Variants in ITGA6 observed in about 807,000 individuals in gnomAD.
ITGA6 encodes integrin subunit alpha 6.
ITGA6 carries 63 observed loss-of-function variants against 133.6 expected under a neutral mutation model. That is an observed-to-expected ratio of 0.47 (90% CI 0.38 to 0.58). The LOEUF (loss-of-function observed/expected upper bound fraction) is 0.58. ITGA6 is among the 20% of genes least tolerant of loss of function. ITGA6 has a pLI of 0.00. For synonymous variants in ITGA6, 434 were observed against 482.0 expected (o/e 0.90, Z 1.30); for missense variants, 1,068 against 1,309.4 (o/e 0.82, Z 2.85).
chr2:172,451,239 T>C (rs1275330443), intron 1 of ITGA6, among the ~76,000 whole-genome samples: 3 of 151,666 alleles, frequency 2.0e-5, no homozygotes, highest in Admixed American at 1.3e-4. Flanking sequence ...CCAAGGCCGG[T>C]AGATCAGTTG....
At chr2:172,467,448 C>G in intron 2 of ITGA6, 33 bp from the exon 3 acceptor site, 1 of 1,554,306 alleles carries the variant, frequency 6.4e-7, no homozygotes, top group Non-Finnish European at 8.9e-7. Flanking sequence ...CATGTGCAGT[C>G]ACTTGGAAGG....
intron 9 of ITGA6, among the ~76,000 whole-genome samples, chr2:172,479,307 A>C (rs1686320733): frequency 1.3e-5 from 2 of 152,360 alleles, no homozygotes; most frequent in Admixed American, 6.5e-5. Context: ...AATTTTAGAT[A>C]ATTTTAACTG....
chr2:172,475,288 A>G (rs1686122087), intron 7 of ITGA6, among the ~76,000 whole-genome samples, 166 bp downstream of exon 7: 1 of 152,078 alleles, frequency 6.6e-6, no homozygotes, highest in South Asian at 2.1e-4. Context: ...ACCAACATGG[A>G]GAAACTAAAA....
At position 172,475,610 on chromosome 2, in the gene ITGA6, A is replaced by T; in HGVS notation, c.1194A>T (p.Gly398=). The T allele has an allele frequency of 6.3e-7, 1 of 1,594,316 alleles. No individual in the cohort carries two copies. Among genetic ancestry groups the T allele is most frequent in the Non-Finnish European group, 8.6e-7 (1 of 1,161,962 alleles). Residue 398 remains glycine, a synonymous_variant, in exon 8 of 26, where the codon GGA becomes GGT. Transcript: ENST00000684293. ...NQDGYPDIAV[G]APYDDLGKVF... The stretch of plus-strand genomic sequence containing the variant: ...TGTTGTCAACAGATATTGCAGTTGG[A>T]GCTCCGTATGATGACTTGGGAAAGG...
At chr2:172,456,496 G>A (rs142496202) in intron 1 of ITGA6, among the ~76,000 whole-genome samples, 187 of 152,354 alleles carry the variant, frequency 1.2e-3, no homozygotes, top group African/African-American at 4.2e-3. Context: ...ATGAAAGGGA[G>A]TGGAGTGAAT....
At chr2:172,478,429 G>T (rs1332481969) in intron 9 of ITGA6, among the ~76,000 whole-genome samples, 1 of 152,158 alleles carries the variant, frequency 6.6e-6, no homozygotes, top group Non-Finnish European at 1.5e-5. Context: ...AATCCACGTG[G>T]TAATGAAACC....
chr2:172,437,435 G>A (rs534265789), intron 1 of ITGA6, among the ~76,000 whole-genome samples: 4 of 152,332 alleles, frequency 2.6e-5, no homozygotes, highest in African/African-American at 9.6e-5. Flanking sequence ...CTAGGTATCA[G>A]TTGGGACAGA....
intron 1 of ITGA6, chr2:172,428,545 G>GGAA (rs781064246): frequency 1.6e-4 from 14 of 84,944 alleles, no homozygotes; most frequent in African/African-American, 4.2e-4. Context: ...ACATGCCTTT[G>GGAA]AAAAAAAAAA....
intron 1 of ITGA6, among the ~76,000 whole-genome samples, chr2:172,435,027 A>AGTGTGTGTGTGT (rs72087668): frequency 0.015 from 2,203 of 144,092 alleles, 53 homozygotes; most frequent in African/African-American, 0.051. Context: ...GGTGGTTTTA[A>AGTGTGTGTGTGT]GTGTGTGTGT....
At position 172,427,846 on chromosome 2, in the gene ITGA6, C is replaced by T; in HGVS notation, c.58C>T (p.Leu20Phe). 2 of 1,606,396 alleles carry T rather than the reference C, an allele frequency of 1.2e-6. No individual in the cohort carries two copies. Among genetic ancestry groups the T allele is most frequent in the Non-Finnish European group, 1.7e-6 (2 of 1,177,076 alleles). The change falls in exon 1 of 26, where the codon CTC (leucine) becomes TTC (phenylalanine). Residue 20 changes from leucine (L) to phenylalanine (F), a missense_variant. Leu to Phe is a conservative substitution (Grantham distance 22). Coordinates refer to ENST00000684293, the MANE Select transcript of ITGA6 (RefSeq NM_000210.4). ...LYLSAGLLSR[L>F]GAAFNLDTRE... ...CCTGTCGGCGGGGCTCCTGTCCCGGCTCGGCGCAGCCTTCAACTTGGACAC... is the reference window on the plus strand; with the variant it reads ...CCTGTCGGCGGGGCTCCTGTCCCGGTTCGGCGCAGCCTTCAACTTGGACAC...
At chr2:172,465,808 G>GGGCAAATAA in intron 2 of ITGA6, 145 bp downstream of exon 2, 1 of 1,155,480 alleles carries the variant, frequency 8.7e-7, no homozygotes, top group Non-Finnish European at 1.3e-6. Context: ...TATTTGCCCT[G>GGGCAAATAA]AAAATATTTA....
intron 1 of ITGA6, among the ~76,000 whole-genome samples, chr2:172,457,063 T>A (rs116532339): frequency 6.6e-6 from 1 of 151,716 alleles, no homozygotes; most frequent in Admixed American, 6.6e-5. Context: ...GGAGGTTGAG[T>A]TGGGGAGATC....
At chr2:172,454,939 G>A (rs1386000162) in intron 1 of ITGA6, among the ~76,000 whole-genome samples, 4 of 151,978 alleles carry the variant, frequency 2.6e-5, no homozygotes, top group South Asian at 4.1e-4. Flanking sequence ...AGCAAACCCC[G>A]GTGACACGAG....
At chr2:172,445,413 A>G (rs778993904) in intron 1 of ITGA6, among the ~76,000 whole-genome samples, 20 of 146,986 alleles carry the variant, frequency 1.4e-4, no homozygotes, top group Non-Finnish European at 2.8e-4. Context: ...ACTTTGGGAG[A>G]CCGAGGCGGG....
chr2:172,493,546 C>T (rs1687008610), intron 23 of ITGA6, among the ~76,000 whole-genome samples: 1 of 151,920 alleles, frequency 6.6e-6, no homozygotes, highest in African/African-American at 2.4e-5. Context: ...CAGAAGAATG[C>T]CAAGGGTAAA....
chr2:172,431,552 C>T (rs1684106503), intron 1 of ITGA6, among the ~76,000 whole-genome samples: 1 of 152,192 alleles, frequency 6.6e-6, no homozygotes, highest in South Asian at 2.1e-4. Context: ...CCACCCCATT[C>T]CCTTCTGAAA....
rs748625476 is a variant in ITGA6 at position 172,491,076 on chromosome 2, A to G, written c.2732A>G (p.Asp911Gly). 12 of 1,593,892 alleles carry G rather than the reference A, an allele frequency of 7.5e-6. No individual in the cohort carries two copies. Among genetic ancestry groups the G allele is most frequent in the South Asian group, 3.3e-5 (3 of 90,644 alleles). Residue 911 changes from aspartate (D) to glycine (G), a missense_variant, in exon 21 of 26, where the codon GAT (aspartate) becomes GGT (glycine). Physicochemically the swap from Asp to Gly is moderately conservative, Grantham distance 94. Coordinates refer to ENST00000684293, the MANE Select transcript of ITGA6 (RefSeq NM_000210.4). This position sits in a 1 kb window ranked among gnomAD's most constrained non-coding sequence, Gnocchi z 4.4. ...KREITEKQID[D>G]NRKFSLFAER... ...GAAATTACTGAAAAACAGATAGATGATAACAGAAAATTTTCTTTATTTGCT... is the reference window on the plus strand; with the variant it reads ...GAAATTACTGAAAAACAGATAGATGGTAACAGAAAATTTTCTTTATTTGCT...
chr2:172,463,521 G>A (rs1202063172), intron 1 of ITGA6, among the ~76,000 whole-genome samples: 1 of 152,142 alleles, frequency 6.6e-6, no homozygotes, highest in Admixed American at 6.5e-5. Flanking sequence ...CAACTAGGTT[G>A]TAAACTTGAA....
At position 172,487,945 on chromosome 2, in the gene ITGA6, T is replaced by C. The variant is rs749200998; in HGVS notation, c.2325-16T>C. The C allele has an allele frequency of 6.2e-7, 1 of 1,610,424 alleles. No individual in the cohort carries two copies. The highest frequency in any genetic ancestry group is 1.1e-5 in the South Asian group (1 of 90,962). Reference sequence around the variant, plus strand: ...ACTGGTAAAATACAACCCTATTGTTTCCTTTTCATTTTCAGAACAAGCAAT... The same window carrying C: ...ACTGGTAAAATACAACCCTATTGTTCCCTTTTCATTTTCAGAACAAGCAAT... On this transcript the variant is annotated splice_polypyrimidine_tract_variant and intron_variant, in intron 17 of 25. Coordinates refer to ENST00000684293, the MANE Select transcript of ITGA6 (RefSeq NM_000210.4).
Sources: allele counts gnomAD v4.1 joint callset (sites outside exome capture counted in the v4.1 genomes callset), GRCh38; gene constraint gnomAD v4.1.1; non-coding constraint Gnocchi (gnomAD v3.1); transcripts MANE v1.5; gene names NCBI Gene and HGNC (gene_info 2026-07-23, HGNC 2026-07-21).